The following ATAD3B variants were observed in gnomAD, a reference collection of about 807,000 sequenced individuals.
The protein encoded by ATAD3B is ATPase family AAA domain-containing protein 3B.
A neutral mutation model predicts 70.2 loss-of-function variants in ATAD3B; 59 were observed. The observed-to-expected ratio is 0.84, with a 90% CI of 0.68 to 1.04. The LOEUF (loss-of-function observed/expected upper bound fraction) is 1.04. Among genes scored for constraint, ATAD3B ranks in the 50% least tolerant of loss-of-function variants. ATAD3B has a pLI of 0.00. For missense variants in ATAD3B, 961 were observed against 913.4 expected, an observed-to-expected ratio of 1.05 and a Z score of -0.67; for synonymous variants, 423 against 388.6, an observed-to-expected ratio of 1.09 and a Z score of -1.04.
chr1:1,492,714 C>T lies in ATAD3B; in HGVS notation c.1614+2043C>T, dbSNP rs556315443. ...CAGCACTTTGGGAGGCCGAGGTGGG[C>T]GGATCACGGGGTCAGGAGTTCAAGA... On this transcript the variant is annotated intron_variant, in intron 15 of 15. Transcript: ENST00000673477. 3.8e-4 allele frequency among the ~76,000 whole-genome samples: 57 copies of T among 151,286 alleles called. 1 individual carries two copies. The highest frequency in any genetic ancestry group is 2.5e-3 in the South Asian group (12 of 4,776).
downstream of ATAD3B, among the ~76,000 whole-genome samples, chr1:1,499,305 C>G (rs1271791097): frequency 2.6e-5 from 3 of 117,602 alleles, no homozygotes; most frequent in African/African-American, 3.4e-5. Flanking sequence ...TTTTTGGTCT[C>G]GGCTTACTGT....
chr1:1,503,462 G>A, the ATAD3B span: 1 of 841,304 alleles, frequency 1.2e-6, no homozygotes, highest in Non-Finnish European at 1.9e-6. Context: ...GGGGAGGCAG[G>A]GCTGGGGGCT....
In ATAD3B at chr1:1,480,827, G is replaced by A. The variant is rs768414315; in HGVS notation, c.445-40G>A. 2.4e-5 allele frequency: 39 copies of A among 1,593,982 alleles called. 3 individuals are homozygous for A. The South Asian group carries it at 2.8e-4, about 11-fold the overall frequency. ...TGGATTGGTGTTGAGCATTTTTCTGGTTTTAAAGGCTTTTCTCTTTTTCTG... is the reference window on the plus strand; with the variant it reads ...TGGATTGGTGTTGAGCATTTTTCTGATTTTAAAGGCTTTTCTCTTTTTCTG... On this transcript the variant is annotated intron_variant, in intron 4 of 15. Coordinates refer to ENST00000673477, the MANE Select transcript of ATAD3B (RefSeq NM_031921.6).
rs557549921 is a variant in ATAD3B at position 1,486,619 on chromosome 1, G to A, written c.1165G>A (p.Val389Met). Residue 389 changes from valine (V) to methionine (M), a missense_variant, in exon 11 of 16, where the codon GTG becomes ATG. Transcript: ENST00000673477. ...GDVAPMGREGVTAMHKLFDWA... is the reference protein window; with the variant it reads ...GDVAPMGREGMTAMHKLFDWA... ...CGTGGCCCCCATGGGGCGGGAAGGC[G>A]TGACCGCCATGCACAAGCTCTTTGA... 9.3e-6 allele frequency: 15 copies of A among 1,610,886 alleles called. No homozygotes were observed. The highest frequency in any genetic ancestry group is 6.7e-5 in the East Asian group (3 of 44,834).
chr1:1,505,916 C>A, the ATAD3B span, among the ~76,000 whole-genome samples: 1 of 152,136 alleles, frequency 6.6e-6, no homozygotes, highest in Admixed American at 6.5e-5. Context: ...AGCTCGTGCC[C>A]TCGGTCTCTT....
At chr1:1,478,537 T>C in intron 2 of ATAD3B, 107 bp from the exon 3 acceptor site, 1 of 1,549,994 alleles carries the variant, frequency 6.5e-7, no homozygotes, top group Non-Finnish European at 8.7e-7. Flanking sequence ...CACACACTAG[T>C]CTGGGCACGG....
the ATAD3B span, among the ~76,000 whole-genome samples, chr1:1,504,205 T>C: frequency 6.6e-6 from 1 of 151,756 alleles, no homozygotes; most frequent in East Asian, 2.0e-4. Flanking sequence ...AGGCTGGTCT[T>C]GAACTCCTGA....
chr1:1,473,849 G>C lies in ATAD3B; in HGVS notation c.205+1760G>C, dbSNP rs867601941. Among the ~76,000 whole-genome samples, 4 of 152,164 alleles carry C rather than the reference G, an allele frequency of 2.6e-5. No individual in the cohort carries two copies. The East Asian group carries it at 7.7e-4, about 29-fold the overall frequency. On this transcript the variant is annotated intron_variant, in intron 1 of 15. Coordinates refer to ENST00000673477, the MANE Select transcript of ATAD3B (RefSeq NM_031921.6). ...TTTAGGGAATCCCTGGTGTGAAGCA[G>C]ATATAAACAGAGTTTCCCTGTTTAA... is the stretch of plus-strand genomic sequence containing the variant.
chr1:1,496,275 G>T lies in ATAD3B; in HGVS notation c.*458G>T. 4.1e-6 allele frequency: 4 copies of T among 982,302 alleles called. No individual in the cohort carries two copies. The highest frequency in any genetic ancestry group is 4.8e-6 in the Non-Finnish European group (4 of 825,494). 60.8% of individuals were successfully genotyped at this position (982,302 alleles called of 1,614,324 possible). On this transcript the variant is annotated 3_prime_UTR_variant, in exon 16 of 16. Transcript: ENST00000673477. ...CCCTAGCGTCCTCCTGGGGTCAAAGGTGACATAAGAGGCAGAGGCTGGAGC... is the reference window on the plus strand; with the variant it reads ...CCCTAGCGTCCTCCTGGGGTCAAAGTTGACATAAGAGGCAGAGGCTGGAGC...
chr1:1,508,677 C>T, the ATAD3B span, among the ~76,000 whole-genome samples: 1 of 151,398 alleles, frequency 6.6e-6, no homozygotes, highest in African/African-American at 2.5e-5. Flanking sequence ...GCCACAGCCC[C>T]AGCAGCTCCA....
chr1:1,508,606 A>T, the ATAD3B span, among the ~76,000 whole-genome samples: 2 of 151,184 alleles, frequency 1.3e-5, no homozygotes, highest in Non-Finnish European at 2.9e-5. Context: ...TGGCATTAGG[A>T]TGGAGAGTGA....
intron 2 of ATAD3B, 121 bp downstream of exon 2, chr1:1,477,471 G>C: frequency 6.6e-7 from 1 of 1,508,362 alleles, no homozygotes; most frequent in South Asian, 1.2e-5. Flanking sequence ...AGTGGGGCCA[G>C]GGCCGAGCTT....
chr1:1,481,705 C>T (rs1365798014), intron 5 of ATAD3B, among the ~76,000 whole-genome samples: 15 of 146,410 alleles, frequency 1.0e-4, no homozygotes, highest in African/African-American at 2.8e-4. Flanking sequence ...TTCAGAACTC[C>T]GCGTTCTGGT....
At chr1:1,505,698 C>G in the ATAD3B span, among the ~76,000 whole-genome samples, 19 of 152,126 alleles carry the variant, frequency 1.2e-4, no homozygotes, top group Non-Finnish European at 2.6e-4. Context: ...CTCTTGTCTT[C>G]CGGTCGCTTC....
downstream of ATAD3B, among the ~76,000 whole-genome samples, chr1:1,500,164 C>T (rs1453008817): frequency 6.6e-6 from 1 of 151,290 alleles, no homozygotes; most frequent in Admixed American, 6.6e-5. Context: ...TCCCAAAGTG[C>T]TGGGATTACA....
chr1:1,499,586 CTT>C (rs71578322), downstream of ATAD3B, among the ~76,000 whole-genome samples: 1,390 of 65,640 alleles, frequency 0.021, 6 homozygotes, highest in African/African-American at 0.087. Flanking sequence ...CCAAACAGCT[CTT>C]TTTTTTTTTT....
rs757381101 is a variant in ATAD3B, at chr1:1,479,151, C to G, written c.444+43C>G. 105 of 994,166 alleles carry G rather than the reference C, an allele frequency of 1.1e-4. 1 individual carries two copies. Among genetic ancestry groups the G allele is most frequent in the Non-Finnish European group, 1.4e-4 (99 of 693,654 alleles). 61.6% of individuals were successfully genotyped at this position (994,166 alleles called of 1,614,324 possible). A position where few individuals can be genotyped will look rare whatever the true frequency, so the allele number is the denominator to read the frequency against. ...TGCGAGGCGCCTGCGTCCCTGAGAA[C>G]GTAGGTGGCTTTGTGGGACCAGTCA... On this transcript the variant is annotated intron_variant, in intron 4 of 15. Coordinates refer to ENST00000673477, the MANE Select transcript of ATAD3B (RefSeq NM_031921.6).
At chr1:1,506,416 T>C in the ATAD3B span, among the ~76,000 whole-genome samples, 2 of 151,974 alleles carry the variant, frequency 1.3e-5, no homozygotes, top group South Asian at 4.2e-4. Flanking sequence ...CTTTTTTTTT[T>C]TTTCTTGAGA....
chr1:1,506,314 T>C, the ATAD3B span, among the ~76,000 whole-genome samples: 4 of 152,322 alleles, frequency 2.6e-5, no homozygotes, highest in African/African-American at 9.6e-5. Flanking sequence ...TTAATGCTTT[T>C]TCTATTTTTG....
Sources: gnomAD v4.1 joint callset for allele counts (sites outside exome capture counted in the v4.1 genomes callset) on GRCh38, gnomAD v4.1.1 for gene constraint, MANE v1.5 for transcripts, NCBI Gene and HGNC (gene_info 2026-07-23, HGNC 2026-07-21) for gene names.